DNM3: variants seen among roughly 807,000 people sequenced by gnomAD.
The protein encoded by DNM3 is dynamin-3.
Under a neutral mutation model 101.6 loss-of-function variants are expected in DNM3, and 47 were observed. That is an observed-to-expected ratio of 0.46 (90% CI 0.37 to 0.59). The LOEUF (loss-of-function observed/expected upper bound fraction) is 0.59. DNM3 is among the 20% of genes least tolerant of loss of function. DNM3 has a pLI of 0.00. For missense variants in DNM3, 849 were observed against 1,085.7 expected (o/e 0.78, Z 3.06); for synonymous variants, 385 against 387.9 (o/e 0.99, Z 0.09).
At chr1:171,909,651 C>A (rs1558249912) in intron 1 of DNM3, among the ~76,000 whole-genome samples, 1 of 152,244 alleles carries the variant, frequency 6.6e-6, no homozygotes, top group East Asian at 1.9e-4. Flanking sequence ...TATCACATTG[C>A]CTGCCCAGAT....
intron 2 of DNM3, among the ~76,000 whole-genome samples, chr1:171,943,804 T>C (rs2041973355): frequency 6.6e-6 from 1 of 152,242 alleles, no homozygotes; most frequent in Non-Finnish European, 1.5e-5. Context: ...CATATTTAGC[T>C]CAGAATAAAT....
intron 20 of DNM3, among the ~76,000 whole-genome samples, chr1:172,402,615 G>C (rs1347327587): frequency 1.3e-5 from 2 of 152,092 alleles, no homozygotes; most frequent in Non-Finnish European, 2.9e-5. Flanking sequence ...CCAAAGATTA[G>C]AATTTGGAAT....
intron 16 of DNM3, chr1:172,309,833 G>C (rs2065005227): frequency 6.6e-6 from 1 of 152,212 alleles, no homozygotes; most frequent in Non-Finnish European, 1.5e-5. Context: ...ATACTAAAAT[G>C]TAACAGAGTT....
intron 15 of DNM3, among the ~76,000 whole-genome samples, chr1:172,254,366 G>A (rs1228375335): frequency 1.3e-5 from 2 of 152,172 alleles, no homozygotes; most frequent in Non-Finnish European, 2.9e-5. Context: ...TCTTCTTGAA[G>A]AGCGGACAAA....
At position 172,388,810 on chromosome 1, in the gene DNM3, G is replaced by T; in HGVS notation, c.2522+1G>T. Reference sequence around the variant, plus strand: ...CGAGGGCCCCGCCCAGTGTCCCAAGGTAAGGCATGGAGCAGAAATTGGGGG... The same window carrying T: ...CGAGGGCCCCGCCCAGTGTCCCAAGTTAAGGCATGGAGCAGAAATTGGGGG... On this transcript the variant is annotated splice_donor_variant, in intron 20 of 20. Coordinates refer to ENST00000627582, the MANE Select transcript of DNM3 (RefSeq NM_015569.5). LOFTEE classifies it high-confidence loss of function. 6.4e-7 allele frequency: 1 copy of T among 1,569,600 alleles called. No individual in the cohort carries two copies.
intron 14 of DNM3, among the ~76,000 whole-genome samples, chr1:172,181,629 A>C (rs1362587418): frequency 1.3e-5 from 2 of 152,064 alleles, no homozygotes; most frequent in Non-Finnish European, 2.9e-5. Flanking sequence ...GCCCAGCTCC[A>C]GGCCTGCAGA....
At chr1:172,033,063 C>G in intron 5 of DNM3, 42 bp from the exon 6 acceptor site, 1 of 1,595,382 alleles carries the variant, frequency 6.3e-7, no homozygotes, top group Non-Finnish European at 8.5e-7. Flanking sequence ...GAATAAGCCA[C>G]AAAAAGTGTC....
At position 172,189,075 on chromosome 1, in the gene DNM3, G is replaced by A. The variant is rs567328678; in HGVS notation, c.1659+57787G>A. 1.3e-4 allele frequency among the ~76,000 whole-genome samples: 20 copies of A among 151,980 alleles called. No individual in the cohort carries two copies. The South Asian group carries it at 2.5e-3, about 19-fold the overall frequency. ...CACTGTGTACATGCAGTTCTTTTTC[G>A]AGTAGACTTATAGTTCTTTCAGCAT... is the stretch of plus-strand genomic sequence containing the variant. On this transcript the variant is annotated intron_variant, in intron 14 of 20. Coordinates refer to ENST00000627582, the MANE Select transcript of DNM3 (RefSeq NM_015569.5).
At chr1:171,846,281 T>A (rs1461639135) in intron 1 of DNM3, among the ~76,000 whole-genome samples, 6 of 152,210 alleles carry the variant, frequency 3.9e-5, no homozygotes, top group African/African-American at 1.4e-4. Flanking sequence ...AATGAATTCC[T>A]TTTTTATTAG....
chr1:172,405,433 T>C (rs1396070950), intron 20 of DNM3, among the ~76,000 whole-genome samples: 1 of 151,936 alleles, frequency 6.6e-6, no homozygotes, highest in African/African-American at 2.4e-5. Flanking sequence ...TATGGGATGG[T>C]CCAGAAGGAC....
chr1:172,074,621 C>T (rs1292391776), intron 11 of DNM3, among the ~76,000 whole-genome samples: 1 of 152,160 alleles, frequency 6.6e-6, no homozygotes, highest in Non-Finnish European at 1.5e-5. Flanking sequence ...CCAGCTTCAT[C>T]CATGTTCCTG....
intron 16 of DNM3, among the ~76,000 whole-genome samples, chr1:172,317,617 G>A (rs1008034700): frequency 7.2e-4 from 109 of 152,164 alleles, no homozygotes; most frequent in Non-Finnish European, 4.4e-4. Context: ...ACACCTCTAT[G>A]CAAATAAACT....
At chr1:172,205,075 G>A (rs954193522) in intron 14 of DNM3, among the ~76,000 whole-genome samples, 1 of 152,110 alleles carries the variant, frequency 6.6e-6, no homozygotes, top group Non-Finnish European at 1.5e-5. Context: ...GTATTTTTCT[G>A]TATAAACGTG....
chr1:172,247,601 C>T (rs1030306966), intron 14 of DNM3, among the ~76,000 whole-genome samples: 3 of 151,618 alleles, frequency 2.0e-5, no homozygotes, highest in African/African-American at 4.8e-5. Flanking sequence ...ATATTTGGTG[C>T]CATTAGCGGC....
intron 1 of DNM3, among the ~76,000 whole-genome samples, chr1:171,917,558 G>C (rs1006973746): frequency 6.6e-6 from 1 of 152,184 alleles, no homozygotes; most frequent in African/African-American, 2.4e-5. Flanking sequence ...GAGATGGGTT[G>C]AGAGAGAAGA....
intron 14 of DNM3, among the ~76,000 whole-genome samples, chr1:172,178,432 T>G (rs74330390): frequency 0.017 from 2,533 of 152,072 alleles, 70 homozygotes; most frequent in East Asian, 0.066. Flanking sequence ...TGTATAATTC[T>G]GAGAGTACAG....
chr1:171,944,483 C>T (rs1375610483), intron 2 of DNM3, among the ~76,000 whole-genome samples: 1 of 151,922 alleles, frequency 6.6e-6, no homozygotes. Context: ...TCAAGCTATC[C>T]TCCCACTACC....
At chr1:172,189,569 T>C (rs115381081) in intron 14 of DNM3, among the ~76,000 whole-genome samples, 1,681 of 152,192 alleles carry the variant, frequency 0.011, 24 homozygotes, top group African/African-American at 0.038. Context: ...CTTTTTCATA[T>C]GTTAGTAGAA....
At chr1:172,035,994 CTTTTT>C (rs1233427101) in intron 6 of DNM3, among the ~76,000 whole-genome samples, 1 of 150,568 alleles carries the variant, frequency 6.6e-6, no homozygotes, top group Non-Finnish European at 1.5e-5. Context: ...CTTTTTTTTT[CTTTTT>C]TTATTTTATT....
Sources: allele counts gnomAD v4.1 joint callset (sites outside exome capture counted in the v4.1 genomes callset), GRCh38; gene constraint gnomAD v4.1.1; transcripts MANE v1.5; gene names NCBI Gene and HGNC (gene_info 2026-07-23, HGNC 2026-07-21).